ANKFN1: variants seen among roughly 807,000 people sequenced by gnomAD.
ANKFN1 encodes ankyrin repeat and fibronectin type III domain containing 1, also known as ankyrin repeat and fibronectin type-III domain-containing protein 1.
A neutral mutation model predicts 108.7 loss-of-function variants in ANKFN1; 74 were observed. That is an observed-to-expected ratio of 0.68 (90% CI 0.56 to 0.83). ANKFN1 has a LOEUF of 0.83. Ranked by LOEUF, ANKFN1 falls within the 40% of genes least tolerant of loss-of-function variation. The pLI is 0.00. For missense variants in ANKFN1, 1,505 were observed against 1,382.3 expected, an observed-to-expected ratio of 1.09 and a Z score of -1.41; for synonymous variants, 547 against 516.2, an observed-to-expected ratio of 1.06 and a Z score of -0.81.
intron 4 of ANKFN1, among the ~76,000 whole-genome samples, chr17:56,339,317 C>A (rs2045900099): frequency 6.6e-6 from 1 of 151,634 alleles, no homozygotes; most frequent in Non-Finnish European, 1.5e-5. Flanking sequence ...TCTTTTTTAA[C>A]TTTGGTTTAA....
chr17:56,462,960 C>T (rs542400023), intron 14 of ANKFN1, among the ~76,000 whole-genome samples: 6 of 152,300 alleles, frequency 3.9e-5, no homozygotes, highest in South Asian at 2.1e-4. Flanking sequence ...CCCTCATCTG[C>T]GCTCATAGTC....
chr17:56,188,839 G>A (rs559063425), intron 1 of ANKFN1, among the ~76,000 whole-genome samples: 2 of 151,686 alleles, frequency 1.3e-5, no homozygotes, highest in African/African-American at 4.8e-5. Context: ...GATGGCTTCA[G>A]GATGGGGGCT....
In ANKFN1 at chr17:56,109,013, A is replaced by G. The variant is rs567860336; in HGVS notation, c.288+62688A>G. On this transcript the variant is annotated intron_variant, in intron 4 of 12. Coordinates refer to the ANKFN1 transcript ENST00000635860. ...GTTAATCATTAATAGAGTGGTTAAC[A>G]CATAGGCTTTAAAGTTCAGATGATC... Among the ~76,000 whole-genome samples, 3 of 152,350 alleles carry G rather than the reference A, an allele frequency of 2.0e-5. No individual in the cohort carries two copies. In the South Asian group the frequency reaches 6.2e-4, roughly 32 times the overall value.
intron 8 of ANKFN1, among the ~76,000 whole-genome samples, chr17:56,399,050 A>C (rs1177030434): frequency 6.6e-6 from 1 of 152,184 alleles, no homozygotes; most frequent in African/African-American, 2.4e-5. Context: ...AAATGATGTC[A>C]CATACCAGTG....
chr17:56,413,622 T>C (rs545034031), intron 8 of ANKFN1, among the ~76,000 whole-genome samples: 2 of 152,378 alleles, frequency 1.3e-5, no homozygotes, highest in East Asian at 3.9e-4. Flanking sequence ...ATTGAGAGTT[T>C]TTAACACAAA....
intron 3 of ANKFN1, among the ~76,000 whole-genome samples, chr17:56,291,905 T>C (rs1205776884): frequency 6.6e-6 from 1 of 152,232 alleles, no homozygotes. Flanking sequence ...TTAGTTAGCT[T>C]AGAGAGGAAG....
intron 1 of ANKFN1, among the ~76,000 whole-genome samples, chr17:56,167,257 G>A (rs900362225): frequency 9.0e-5 from 8 of 89,272 alleles, no homozygotes; most frequent in African/African-American, 2.9e-4. Context: ...ATATGTATGT[G>A]TGTGTATATA....
chr17:56,372,730 T>G lies in ANKFN1; in HGVS notation c.686T>G (p.Val229Gly). 6.2e-7 allele frequency: 1 copy of G among 1,613,932 alleles called. No individual in the cohort carries two copies. Among genetic ancestry groups the G allele is most frequent in the Non-Finnish European group, 8.5e-7 (1 of 1,179,952 alleles). Residue 229 changes from valine (V) to glycine (G), a missense_variant, in exon 7 of 21, where the codon GTG (valine) becomes GGG (glycine). Val to Gly is a moderately radical substitution (Grantham distance 109, BLOSUM62 -3). Coordinates refer to ENST00000682825, the MANE Select transcript of ANKFN1 (RefSeq NM_001370326.1). ...AGGGTGAGTGAACTGTCTGCCCAGG[T>G]GGAGAATGAAGGATTCACTCTGGAC... Reference protein sequence around the residue: ...QERVSELSAQVENEGFTLDNT... With the variant: ...QERVSELSAQGENEGFTLDNT...
chr17:56,244,404 A>G (rs760530014), intron 3 of ANKFN1, among the ~76,000 whole-genome samples: 2 of 152,096 alleles, frequency 1.3e-5, no homozygotes, highest in Non-Finnish European at 2.9e-5. Flanking sequence ...TCACATGCCT[A>G]GAAGACAGGA....
At chr17:56,071,788 G>A (rs1905123991) in intron 4 of ANKFN1, among the ~76,000 whole-genome samples, 1 of 152,200 alleles carries the variant, frequency 6.6e-6, no homozygotes, top group African/African-American at 2.4e-5. Flanking sequence ...ACATATCCCA[G>A]TGCTTTGCAA....
chr17:56,230,080 G>A (rs945608615), intron 3 of ANKFN1, among the ~76,000 whole-genome samples: 2 of 152,056 alleles, frequency 1.3e-5, no homozygotes, highest in African/African-American at 4.8e-5. Context: ...GTTCCATTCA[G>A]ACAAGACTTA....
intron 4 of ANKFN1, among the ~76,000 whole-genome samples, chr17:56,075,163 G>A (rs1399403719): frequency 6.6e-6 from 1 of 152,164 alleles, no homozygotes; most frequent in Non-Finnish European, 1.5e-5. Flanking sequence ...AAATAAAACT[G>A]TGGAGTCATG....
chr17:56,380,256 C>A (rs529733145), intron 8 of ANKFN1, among the ~76,000 whole-genome samples: 1 of 152,078 alleles, frequency 6.6e-6, no homozygotes, highest in Admixed American at 6.5e-5. Context: ...CATTTAGTTG[C>A]GGGACAGTAG....
intron 8 of ANKFN1, among the ~76,000 whole-genome samples, chr17:56,393,117 C>T (rs969372384): frequency 6.6e-6 from 1 of 152,130 alleles, no homozygotes; most frequent in South Asian, 2.1e-4. Context: ...GTGTAAGGCC[C>T]ACCGTTAAAC....
intron 4 of ANKFN1, among the ~76,000 whole-genome samples, chr17:56,122,035 T>A (rs760838754): frequency 2.6e-5 from 4 of 152,188 alleles, no homozygotes; most frequent in Non-Finnish European, 5.9e-5. Context: ...TAGCACCTGC[T>A]AGCTGAAGAT....
At chr17:56,402,023 C>G (rs764612412) in intron 8 of ANKFN1, among the ~76,000 whole-genome samples, 2 of 152,122 alleles carry the variant, frequency 1.3e-5, no homozygotes, top group African/African-American at 2.4e-5. Context: ...TAAACCATCT[C>G]TGCATCCCTG....
At chr17:56,344,361 C>G (rs1016643591) in intron 4 of ANKFN1, among the ~76,000 whole-genome samples, 2 of 152,006 alleles carry the variant, frequency 1.3e-5, no homozygotes, top group African/African-American at 4.8e-5. Context: ...ATGCCTAGAA[C>G]TGATAAGCAT....
At chr17:56,393,288 C>G (rs2144887210) in intron 8 of ANKFN1, among the ~76,000 whole-genome samples, 1 of 152,244 alleles carries the variant, frequency 6.6e-6, no homozygotes, top group South Asian at 2.1e-4. Context: ...TAGACATGTT[C>G]TTTCCTTCCT....
intron 16 of ANKFN1, among the ~76,000 whole-genome samples, chr17:56,478,624 C>T (rs140989707): frequency 4.0e-5 from 6 of 151,830 alleles, no homozygotes; most frequent in African/African-American, 1.5e-4. Context: ...TTACAACCCT[C>T]ATAGCAGGCC....
Sources: gnomAD v4.1 joint callset for allele counts (sites outside exome capture counted in the v4.1 genomes callset) on GRCh38, gnomAD v4.1.1 for gene constraint, MANE v1.5 for transcripts, NCBI Gene and HGNC (gene_info 2026-07-23, HGNC 2026-07-21) for gene names.